Variants in NCK2 observed in about 807,000 individuals in gnomAD.
The protein encoded by NCK2 is NCK adaptor protein 2.
A neutral mutation model predicts 33.9 loss-of-function variants in NCK2; 16 were observed. The observed-to-expected ratio is 0.47, with a 90% CI of 0.32 to 0.72. The LOEUF (loss-of-function observed/expected upper bound fraction) is 0.72. Ranked by LOEUF, NCK2 falls within the 30% of genes least tolerant of loss-of-function variation. The pLI, the probability that NCK2 is intolerant of heterozygous loss-of-function variation, is 0.03. For missense variants in NCK2, 418 were observed against 537.3 expected (o/e 0.78, Z 2.19); for synonymous variants, 273 against 239.9 (o/e 1.14, Z -1.27).
chr2:105,840,722 G>C (rs1676610531), intron 2 of NCK2, among the ~76,000 whole-genome samples: 1 of 152,212 alleles, frequency 6.6e-6, no homozygotes, highest in South Asian at 2.1e-4. Context: ...GCAGCACACA[G>C]AACTCAGGGA....
intron 2 of NCK2, among the ~76,000 whole-genome samples, chr2:105,824,015 C>T (rs1237821496): frequency 6.6e-6 from 1 of 152,128 alleles, no homozygotes; most frequent in East Asian, 1.9e-4. Flanking sequence ...GGTGACGTCC[C>T]TCTTGAGTGT....
intron 1 of NCK2, among the ~76,000 whole-genome samples, chr2:105,791,953 T>C (rs996985338): frequency 3.9e-5 from 6 of 152,258 alleles, no homozygotes; most frequent in African/African-American, 1.4e-4. Context: ...GTGTGTTTTT[T>C]AAGCATAATC....
intron 3 of NCK2, among the ~76,000 whole-genome samples, chr2:105,879,048 CGT>C (rs1197247063): frequency 6.6e-6 from 1 of 152,172 alleles, no homozygotes; most frequent in Non-Finnish European, 1.5e-5. Context: ...GTCTTTATAA[CGT>C]ATTGTGATGG....
chr2:105,867,604 GT>G (rs1359220980), intron 3 of NCK2, among the ~76,000 whole-genome samples: 1 of 152,080 alleles, frequency 6.6e-6, no homozygotes, highest in African/African-American at 2.4e-5. Flanking sequence ...TGAAGGTGGG[GT>G]CCGTACCCTT....
intron 1 of NCK2, among the ~76,000 whole-genome samples, chr2:105,768,572 G>C (rs1416317181): frequency 6.6e-6 from 1 of 152,230 alleles, no homozygotes; most frequent in Admixed American, 6.5e-5. Flanking sequence ...CTTATTGTTA[G>C]TGGTTCCTAT....
At chr2:105,756,265 C>T (rs763125728) in intron 1 of NCK2, among the ~76,000 whole-genome samples, 15 of 152,174 alleles carry the variant, frequency 9.9e-5, no homozygotes, top group South Asian at 4.1e-4. Flanking sequence ...TGTGCTGTTT[C>T]TAGGATAAAC....
intron 3 of NCK2, among the ~76,000 whole-genome samples, chr2:105,857,505 C>T (rs1558872664): frequency 6.6e-6 from 1 of 152,218 alleles, no homozygotes; most frequent in Non-Finnish European, 1.5e-5. Context: ...CTTATTCTGC[C>T]CTCTAGGCCT....
At chr2:105,872,778 G>C (rs1350386011) in intron 3 of NCK2, among the ~76,000 whole-genome samples, 1 of 152,226 alleles carries the variant, frequency 6.6e-6, no homozygotes, top group African/African-American at 2.4e-5. Flanking sequence ...TCTGTTAGTT[G>C]ACTGAAAGTT....
intron 1 of NCK2, among the ~76,000 whole-genome samples, chr2:105,757,341 AG>A (rs1689628663): frequency 6.6e-6 from 1 of 152,184 alleles, no homozygotes. Flanking sequence ...GAGATGGGAC[AG>A]GTCCTTGATT....
At chr2:105,776,486 C>T (rs879932345) in intron 1 of NCK2, among the ~76,000 whole-genome samples, 3 of 152,138 alleles carry the variant, frequency 2.0e-5, no homozygotes, top group Non-Finnish European at 2.9e-5. Context: ...GCTTCCTGTG[C>T]CATGCCATCT....
chr2:105,775,671 G>C (rs1250347378), intron 1 of NCK2, among the ~76,000 whole-genome samples: 3 of 152,168 alleles, frequency 2.0e-5, no homozygotes, highest in Non-Finnish European at 4.4e-5. Flanking sequence ...AATTACAACT[G>C]TTTGAAAATT....
At chr2:105,875,205 G>T (rs1678184552) in intron 3 of NCK2, among the ~76,000 whole-genome samples, 1 of 152,170 alleles carries the variant, frequency 6.6e-6, no homozygotes, top group African/African-American at 2.4e-5. Flanking sequence ...CTCCAACCTG[G>T]CTGCTGACTG....
At chr2:105,807,079 G>C (rs565712332) in intron 1 of NCK2, among the ~76,000 whole-genome samples, 1 of 152,320 alleles carries the variant, frequency 6.6e-6, no homozygotes, top group South Asian at 2.1e-4. Flanking sequence ...GGTAGAGTCT[G>C]AGTAACACTT....
intron 1 of NCK2, among the ~76,000 whole-genome samples, chr2:105,776,573 A>G (rs1183900448): frequency 3.3e-5 from 5 of 152,138 alleles, no homozygotes; most frequent in African/African-American, 7.2e-5. Flanking sequence ...GGGGACCTCT[A>G]TGACATTTTG....
At chr2:105,879,755 C>T (rs1339272381) in intron 3 of NCK2, among the ~76,000 whole-genome samples, 5 of 152,224 alleles carry the variant, frequency 3.3e-5, no homozygotes, top group Non-Finnish European at 5.9e-5. Flanking sequence ...GCCTTTTTAC[C>T]CTCTTCACCT....
At chr2:105,769,616 A>C (rs1690061852) in intron 1 of NCK2, among the ~76,000 whole-genome samples, 1 of 152,144 alleles carries the variant, frequency 6.6e-6, no homozygotes, top group South Asian at 2.1e-4. Context: ...GACCTACTGC[A>C]CTGCCCACTG....
chr2:105,830,125 A>G (rs941804400), intron 2 of NCK2, among the ~76,000 whole-genome samples: 5 of 152,170 alleles, frequency 3.3e-5, no homozygotes, highest in African/African-American at 1.2e-4. Context: ...TCTTCTAGTT[A>G]TTTTAAAGTC....
intron 3 of NCK2, among the ~76,000 whole-genome samples, chr2:105,858,043 TG>T (rs1459477512): frequency 7.5e-6 from 1 of 132,670 alleles, no homozygotes; most frequent in Non-Finnish European, 1.7e-5. Context: ...CTTTGTTTTT[TG>T]GGGTTTTTTT....
chr2:105,877,178 C>A (rs1678268779), intron 3 of NCK2, among the ~76,000 whole-genome samples: 7 of 152,176 alleles, frequency 4.6e-5, no homozygotes, highest in Admixed American at 4.6e-4. Context: ...GTGCATTTTT[C>A]TCTTCCCACT....
Sources: allele counts gnomAD v4.1 joint callset (sites outside exome capture counted in the v4.1 genomes callset), GRCh38; gene constraint gnomAD v4.1.1; transcripts MANE v1.5; gene names NCBI Gene and HGNC (gene_info 2026-07-23, HGNC 2026-07-21).